The following HK1 variants were observed in gnomAD, a reference collection of about 807,000 sequenced individuals.
HK1 encodes the protein hexokinase-1.
In HK1, 28 loss-of-function variants were observed where a neutral mutation model predicts 91.6. The observed-to-expected ratio is 0.31, with a 90% confidence interval of 0.23 to 0.42. HK1 has a LOEUF of 0.42. HK1 is among the 10% of genes least tolerant of loss of function. HK1 has a pLI of 1.00. For missense variants in HK1, 770 were observed against 1,219.8 expected, an observed-to-expected ratio of 0.63 and a Z score of 5.49; for synonymous variants, 430 against 468.1, an observed-to-expected ratio of 0.92 and a Z score of 1.05.
intron 2 of HK1, among the ~76,000 whole-genome samples, chr10:69,350,353 T>C (rs1294135099): frequency 2.0e-5 from 3 of 152,236 alleles, no homozygotes; most frequent in Non-Finnish European, 4.4e-5. Context: ...TTATCAGTTA[T>C]CTTGTTGTCC....
At position 69,401,225 on chromosome 10, in the gene HK1, G is replaced by T. The variant is rs1840375910; in HGVS notation, c.*90G>T. On this transcript the variant is annotated 3_prime_UTR_variant, in exon 18 of 18. Coordinates refer to ENST00000359426, the MANE Select transcript of HK1 (RefSeq NM_000188.3). ...CTCCCAGCGAGTTGCGCTGGGAGAC[G>T]CTGGCGCCAGGGCCTGCCGGCGCGG... 3 of 1,485,824 alleles carry T rather than the reference G, an allele frequency of 2.0e-6. No individual in the cohort carries two copies. The highest frequency in any genetic ancestry group is 2.7e-6 in the Non-Finnish European group (3 of 1,094,868). The allele number at this position is 1,485,824 out of a possible 1,614,324, so 92.0% of individuals were successfully genotyped here. A position where few individuals can be genotyped will look rare whatever the true frequency, so the allele number is the denominator to read the frequency against.
chr10:69,337,310 G>A (rs974137136), intron 1 of HK1, among the ~76,000 whole-genome samples: 6 of 152,136 alleles, frequency 3.9e-5, no homozygotes, highest in South Asian at 2.1e-4. Flanking sequence ...CCCCAACTTA[G>A]CTTGAATCAT....
chr10:69,339,005 C>A (rs993829679), intron 1 of HK1, among the ~76,000 whole-genome samples: 1 of 152,166 alleles, frequency 6.6e-6, no homozygotes, highest in African/African-American at 2.4e-5. Flanking sequence ...TCTCCTTCAA[C>A]CCACTGCCCA....
intron 1 of HK1, among the ~76,000 whole-genome samples, chr10:69,339,435 A>G (rs774457660): frequency 1.1e-4 from 16 of 152,182 alleles, no homozygotes; most frequent in Non-Finnish European, 1.9e-4. Flanking sequence ...CCTTGCCTCA[A>G]TTGGGCCTCC....
intron 13 of HK1, among the ~76,000 whole-genome samples, chr10:69,388,465 C>G (rs1839749213): frequency 1.3e-5 from 2 of 151,962 alleles, no homozygotes; most frequent in South Asian, 4.1e-4. Context: ...GAAAGGATAC[C>G]TGCTGATCTA....
chr10:69,365,891 G>A (rs1411844394), intron 4 of HK1, among the ~76,000 whole-genome samples: 1 of 152,094 alleles, frequency 6.6e-6, no homozygotes, highest in African/African-American at 2.4e-5. Flanking sequence ...GAGTGCAATG[G>A]CACGATCTCG....
At chr10:69,388,876 TA>T (rs146806804) in intron 13 of HK1, among the ~76,000 whole-genome samples, 2,108 of 152,340 alleles carry the variant, frequency 0.014, 50 homozygotes, top group African/African-American at 0.048. Context: ...TGAAAGGCCA[TA>T]ATGCTTTAAA....
In HK1 at chr10:69,394,961, T is replaced by A. The variant is rs987588238; in HGVS notation, c.2231T>A (p.Met744Lys). Reference protein sequence around the residue: ...LNAGKQRYEKMISGMYLGEIV... With the variant: ...LNAGKQRYEKKISGMYLGEIV... ...TCCTCCTGTCTCAGGTATGAGAAGA[T>A]GATCAGTGGTATGTACCTGGGTGAA... is the stretch of plus-strand genomic sequence containing the variant. The change falls in exon 16 of 18, where the codon ATG becomes AAG. Residue 744 changes from methionine to lysine, a missense_variant. Physicochemically the swap from Met to Lys is moderately conservative, Grantham distance 95 (BLOSUM62 -1). Transcript: ENST00000359426. The A allele has an allele frequency of 1.2e-6, 2 of 1,614,040 alleles. No individual in the cohort carries two copies. The highest frequency in any genetic ancestry group is 8.5e-7 in the Non-Finnish European group (1 of 1,180,022).
In HK1 at chr10:69,369,715, C is replaced by G; in HGVS notation, c.875+91C>G. 2.5e-6 allele frequency: 3 copies of G among 1,213,052 alleles called. No individual in the cohort carries two copies. Among genetic ancestry groups the G allele is most frequent in the Non-Finnish European group, 3.6e-6 (3 of 837,348 alleles). The allele number at this position is 1,213,052 out of a possible 1,614,324, so 75.1% of individuals were successfully genotyped here. ...GATGGGAGATGAAAAGGGCATAAAG[C>G]CAAGTGATCACAAACAGAAAAGCCT... On this transcript the variant is annotated intron_variant, in intron 7 of 17. Coordinates refer to ENST00000359426, the MANE Select transcript of HK1 (RefSeq NM_000188.3). This position sits in a 1 kb window ranked among gnomAD's most constrained non-coding sequence, Gnocchi z 4.4.
chr10:69,304,343 T>G (rs1271497176), intron 5 of HK1, among the ~76,000 whole-genome samples: 2 of 151,940 alleles, frequency 1.3e-5, no homozygotes, highest in African/African-American at 4.8e-5. Flanking sequence ...AGTCTCGCTC[T>G]ATCGCCCAGA....
chr10:69,396,387 T>G (rs1840141163), intron 16 of HK1, among the ~76,000 whole-genome samples: 1 of 152,062 alleles, frequency 6.6e-6, no homozygotes, highest in Non-Finnish European at 1.5e-5. Flanking sequence ...AGTATACAGT[T>G]CGGTGACATT....
At chr10:69,358,732 G>A (rs1402553088) in intron 2 of HK1, among the ~76,000 whole-genome samples, 6 of 152,086 alleles carry the variant, frequency 3.9e-5, no homozygotes, top group Admixed American at 3.3e-4. Flanking sequence ...GCATGCTGGC[G>A]GATGCCTGTA....
intron 1 of HK1, among the ~76,000 whole-genome samples, chr10:69,331,113 C>T (rs770940493): frequency 3.3e-5 from 5 of 152,166 alleles, no homozygotes; most frequent in African/African-American, 4.8e-5. Context: ...CTCCTGGCCT[C>T]AAGTGATCTG....
At chr10:69,355,657 T>C (rs762255674) in intron 2 of HK1, among the ~76,000 whole-genome samples, 6 of 152,116 alleles carry the variant, frequency 3.9e-5, no homozygotes, top group Non-Finnish European at 8.8e-5. Flanking sequence ...CCAGTTGTGG[T>C]GGCACACGCC....
intron 5 of HK1, among the ~76,000 whole-genome samples, chr10:69,310,756 T>C (rs1187086093): frequency 2.0e-5 from 3 of 152,116 alleles, no homozygotes; most frequent in East Asian, 1.9e-4. Flanking sequence ...AGTCAATACA[T>C]GTAAGAGGTA....
At chr10:69,367,892 A>G (rs1849788381) in intron 4 of HK1, among the ~76,000 whole-genome samples, 1 of 152,248 alleles carries the variant, frequency 6.6e-6, no homozygotes, top group Admixed American at 6.5e-5. Flanking sequence ...AATGTTTACC[A>G]TTGGATGTCT....
rs973993813 is a variant in HK1 at position 69,372,383 on chromosome 10, G to GT, written c.875+2766dup. ...CTGGAAATAGGCTGTAGGCTAAAGAGTTTTTTTGCCTAAGCAAATTTTTGC... is the reference window on the plus strand; with the variant it reads ...CTGGAAATAGGCTGTAGGCTAAAGAGTTTTTTTTGCCTAAGCAAATTTTTGC... On this transcript the variant is annotated intron_variant, in intron 7 of 17. Coordinates refer to ENST00000359426, the MANE Select transcript of HK1 (RefSeq NM_000188.3). 4.6e-5 allele frequency among the ~76,000 whole-genome samples: 7 copies of GT among 152,280 alleles called. No homozygotes were observed. The South Asian group carries it at 6.2e-4, about 14-fold the overall frequency.
At chr10:69,382,274 C>T (rs892281441) in intron 9 of HK1, among the ~76,000 whole-genome samples, 2 of 152,092 alleles carry the variant, frequency 1.3e-5, no homozygotes, top group African/African-American at 4.8e-5. Context: ...ACTCGGGAGG[C>T]TAAGGTGGGA....
intron 1 of HK1, among the ~76,000 whole-genome samples, chr10:69,270,840 T>A (rs1048379297): frequency 1.3e-4 from 20 of 152,240 alleles, no homozygotes; most frequent in African/African-American, 4.1e-4. Context: ...CCATTCTTCC[T>A]ATTGTCCCCA....
Sources: gnomAD v4.1 joint callset for allele counts (sites outside exome capture counted in the v4.1 genomes callset) on GRCh38, gnomAD v4.1.1 for gene constraint, Gnocchi (gnomAD v3.1) non-coding constraint, MANE v1.5 for transcripts, NCBI Gene and HGNC (gene_info 2026-07-23, HGNC 2026-07-21) for gene names.